Variants in TMEM117 observed in about 807,000 individuals in gnomAD.
TMEM117 encodes transmembrane protein 117.
TMEM117 carries 27 observed loss-of-function variants against 52.4 expected under a neutral mutation model. The observed-to-expected ratio is 0.51, with a 90% CI of 0.38 to 0.71. The LOEUF (loss-of-function observed/expected upper bound fraction) is 0.71, where lower values mean the gene tolerates loss of function less well. TMEM117 is among the 30% of genes least tolerant of loss of function. TMEM117 has a pLI of 0.00. For synonymous variants in TMEM117, 215 were observed against 206.3 expected, an observed-to-expected ratio of 1.04 and a Z score of -0.36; for missense variants, 556 against 630.5, an observed-to-expected ratio of 0.88 and a Z score of 1.26.
intron 2 of TMEM117, among the ~76,000 whole-genome samples, chr12:43,900,149 T>C (rs1413406007): frequency 6.6e-6 from 1 of 152,212 alleles, no homozygotes; most frequent in Non-Finnish European, 1.5e-5. Flanking sequence ...ATTAGACCGC[T>C]GGAGTTTGCT....
At chr12:43,930,581 G>A (rs1944855631) in intron 2 of TMEM117, among the ~76,000 whole-genome samples, 1 of 152,098 alleles carries the variant, frequency 6.6e-6, no homozygotes, top group Non-Finnish European at 1.5e-5. Context: ...TTCAAGTCTT[G>A]CCTGCCTTGC....
intron 3 of TMEM117, among the ~76,000 whole-genome samples, chr12:44,129,788 C>T (rs989926132): frequency 6.6e-6 from 1 of 152,162 alleles, no homozygotes; most frequent in Non-Finnish European, 1.5e-5. Flanking sequence ...ACTGTAGCAA[C>T]TTATGGAAGA....
At chr12:43,830,462 T>C in the TMEM117 span, among the ~76,000 whole-genome samples, 1 of 150,888 alleles carries the variant, frequency 6.6e-6, no homozygotes, top group South Asian at 2.1e-4. Flanking sequence ...CAAAAAAAAT[T>C]AGCCAGGCGT....
chr12:44,120,504 G>A (rs575711032), intron 3 of TMEM117, among the ~76,000 whole-genome samples: 1 of 152,256 alleles, frequency 6.6e-6, no homozygotes, highest in East Asian at 1.9e-4. Flanking sequence ...ACAGCTCCAG[G>A]AGCTGGGTAA....
chr12:44,115,132 T>C (rs1948117248), intron 3 of TMEM117, among the ~76,000 whole-genome samples: 1 of 152,336 alleles, frequency 6.6e-6, no homozygotes, highest in African/African-American at 2.4e-5. Context: ...GCCAATCCTT[T>C]AAAATCCTCT....
At chr12:44,101,479 T>A (rs186249650) in intron 3 of TMEM117, among the ~76,000 whole-genome samples, 1 of 152,040 alleles carries the variant, frequency 6.6e-6, no homozygotes, top group Non-Finnish European at 1.5e-5. Flanking sequence ...TTGCCTTAGT[T>A]TGGGACTCAT....
At chr12:44,099,637 C>T (rs536385809) in intron 3 of TMEM117, among the ~76,000 whole-genome samples, 1 of 152,008 alleles carries the variant, frequency 6.6e-6, no homozygotes, top group South Asian at 2.1e-4. Context: ...TAGATGAAGC[C>T]TGAATGCATT....
intron 7 of TMEM117, among the ~76,000 whole-genome samples, chr12:44,385,504 G>A (rs1040803553): frequency 1.3e-5 from 2 of 152,142 alleles, no homozygotes; most frequent in Non-Finnish European, 2.9e-5. Context: ...GGGAGGCTGA[G>A]GCAGGAGGAT....
At chr12:44,332,220 A>T (rs1475979947) in intron 6 of TMEM117, among the ~76,000 whole-genome samples, 1 of 152,114 alleles carries the variant, frequency 6.6e-6, no homozygotes, top group African/African-American at 2.4e-5. Flanking sequence ...TAATAAAACT[A>T]AGTGTTGCTA....
intron 2 of TMEM117, among the ~76,000 whole-genome samples, chr12:43,920,650 C>T (rs73100933): frequency 0.17 from 25,835 of 147,634 alleles, 3,382 homozygotes; most frequent in African/African-American, 0.36. Flanking sequence ...TCCTGGGGCT[C>T]AAGGAGTGAT....
intron 5 of TMEM117, among the ~76,000 whole-genome samples, chr12:44,233,869 G>T (rs1385984994): frequency 6.6e-6 from 1 of 151,298 alleles, no homozygotes. Flanking sequence ...ATGCTTTCAA[G>T]TTTTTGTGAT....
chr12:44,344,590 G>T (rs915712762), intron 6 of TMEM117, among the ~76,000 whole-genome samples: 3 of 152,020 alleles, frequency 2.0e-5, no homozygotes, highest in Non-Finnish European at 4.4e-5. Flanking sequence ...AGGACCTGGG[G>T]TTGGTCTAGA....
At chr12:44,018,133 C>A (rs528194886) in intron 3 of TMEM117, among the ~76,000 whole-genome samples, 2 of 152,072 alleles carry the variant, frequency 1.3e-5, no homozygotes, top group South Asian at 2.1e-4. Context: ...CCAGACACAA[C>A]CTTTTTCTGC....
At chr12:43,829,787 G>A in the TMEM117 span, among the ~76,000 whole-genome samples, 1 of 152,136 alleles carries the variant, frequency 6.6e-6, no homozygotes, top group Non-Finnish European at 1.5e-5. Context: ...GAGAAAGCAA[G>A]AGGCAGTAAA....
intron 4 of TMEM117, among the ~76,000 whole-genome samples, chr12:44,161,544 C>T (rs746077697): frequency 3.2e-4 from 49 of 152,126 alleles, no homozygotes; most frequent in African/African-American, 8.5e-4. Flanking sequence ...GCTAATTAAA[C>T]GAATGGAATT....
At chr12:44,213,501 T>C (rs1033309297) in intron 5 of TMEM117, among the ~76,000 whole-genome samples, 11 of 152,242 alleles carry the variant, frequency 7.2e-5, no homozygotes, top group South Asian at 4.1e-4. Context: ...AATATTTATT[T>C]ACTATGTTTA....
At chr12:43,858,541 C>T (rs1272717441) in intron 2 of TMEM117, among the ~76,000 whole-genome samples, 3 of 152,238 alleles carry the variant, frequency 2.0e-5, no homozygotes, top group Non-Finnish European at 4.4e-5. Flanking sequence ...ACAATGCTTC[C>T]TGTCCTTGTG....
intron 6 of TMEM117, among the ~76,000 whole-genome samples, chr12:44,367,666 CAA>C (rs1951807398): frequency 6.6e-6 from 1 of 152,036 alleles, no homozygotes; most frequent in African/African-American, 2.4e-5. Flanking sequence ...GTGCTCTCCC[CAA>C]AGATTCCCAA....
At chr12:43,887,056 T>G (rs181954199) in intron 2 of TMEM117, among the ~76,000 whole-genome samples, 100 of 152,272 alleles carry the variant, frequency 6.6e-4, no homozygotes, top group Non-Finnish European at 9.1e-4. Flanking sequence ...ACCATGTTGG[T>G]GAGGCTGGTC....
Sources: allele counts gnomAD v4.1 joint callset (sites outside exome capture counted in the v4.1 genomes callset), GRCh38; gene constraint gnomAD v4.1.1; transcripts MANE v1.5; gene names NCBI Gene and HGNC (gene_info 2026-07-23, HGNC 2026-07-21).